Variants in KCNQ4 observed in about 807,000 individuals in gnomAD.
The protein encoded by KCNQ4 is potassium voltage-gated channel subfamily Q member 4, also known as potassium voltage-gated channel subfamily KQT member 4.
Under a neutral mutation model 72.6 loss-of-function variants are expected in KCNQ4, and 31 were observed. The observed-to-expected ratio is 0.43, with a 90% CI of 0.32 to 0.58. The LOEUF is 0.58. KCNQ4 is among the 20% of genes least tolerant of loss of function. The pLI is 0.08. For synonymous variants in KCNQ4, 405 were observed against 403.7 expected, an observed-to-expected ratio of 1.00 and a Z score of -0.04; for missense variants, 869 against 962.6, an observed-to-expected ratio of 0.90 and a Z score of 1.29.
In KCNQ4 at chr1:40,840,064, A is replaced by G. The variant is rs1648931426; in HGVS notation, c.*1541A>G. The G allele has an allele frequency of 6.6e-6, 1 of 152,300 alleles. No homozygotes were observed. The highest frequency in any genetic ancestry group is 2.1e-4 in the South Asian group (1 of 4,830). 9.4% of individuals were successfully genotyped at this position (152,300 alleles called of 1,614,324 possible). The stretch of plus-strand genomic sequence containing the variant: ...GGACCAATGGCAACCCTCTGTGGGA[A>G]CAAGGGGCCGAGGCCACGCTGCCTG... On this transcript the variant is annotated 3_prime_UTR_variant, in exon 14 of 14. Transcript: ENST00000347132.
Position 40,788,849 on chromosome 1 carries a change from G to A in KCNQ4, c.314+4442G>A, listed in dbSNP as rs752269165. On this transcript the variant is annotated intron_variant, in intron 1 of 13. Transcript: ENST00000347132. This position sits in a 1 kb window ranked among gnomAD's most constrained non-coding sequence, Gnocchi z 4.5. ...TAGACCACGTCACTGCTGCGTACCT[G>A]TCTGAATGTCTCACACATGCACTCA... Among the ~76,000 whole-genome samples the A allele has an allele frequency of 6.6e-6, 1 of 152,226 alleles. No individual in the cohort carries two copies. Among genetic ancestry groups the A allele is most frequent in the Non-Finnish European group, 1.5e-5 (1 of 68,040 alleles).
chr1:40,793,891 C>T (rs1647338398), intron 1 of KCNQ4, among the ~76,000 whole-genome samples: 4 of 152,250 alleles, frequency 2.6e-5, no homozygotes, highest in Admixed American at 1.3e-4. Context: ...CCTTCAGTGC[C>T]CCCAGAGTTC....
chr1:40,814,885 C>T (rs1570823929), intron 1 of KCNQ4, among the ~76,000 whole-genome samples: 2 of 87,628 alleles, frequency 2.3e-5, no homozygotes, highest in Middle Eastern at 6.8e-3. Flanking sequence ...AATCTGCTTT[C>T]CTTTTTTTTT....
chr1:40,828,215 C>T lies in KCNQ4; in HGVS notation c.1293-2869C>T, dbSNP rs544449756. Among the ~76,000 whole-genome samples, 3 of 152,324 alleles carry T rather than the reference C, an allele frequency of 2.0e-5. No individual in the cohort carries two copies. The East Asian group carries it at 5.8e-4, about 29-fold the overall frequency. ...GGAAGTGAGTTCAAGGGGTTGGGACCAGCAGGGCAGCCTGGGCAGAGCTCG... is the reference window on the plus strand; with the variant it reads ...GGAAGTGAGTTCAAGGGGTTGGGACTAGCAGGGCAGCCTGGGCAGAGCTCG... On this transcript the variant is annotated intron_variant, in intron 9 of 13. Transcript: ENST00000347132.
At chr1:40,821,329 G>A (rs1044517415) in intron 7 of KCNQ4, among the ~76,000 whole-genome samples, 2 of 152,226 alleles carry the variant, frequency 1.3e-5, no homozygotes, top group Non-Finnish European at 2.9e-5. Context: ...CCTGGCTGGT[G>A]AGGTCAGCAG....
intron 1 of KCNQ4, among the ~76,000 whole-genome samples, chr1:40,787,955 C>T (rs943482570): frequency 2.6e-5 from 4 of 152,156 alleles, no homozygotes; most frequent in Non-Finnish European, 5.9e-5. Context: ...GCTCCCAGCC[C>T]CCAGGGCCCA....
chr1:40,826,709 GCTC>G (rs1648488885), intron 9 of KCNQ4: 1 of 453,940 alleles, frequency 2.2e-6, no homozygotes, highest in Non-Finnish European at 4.4e-6. Context: ...CCCCTCGCCT[GCTC>G]CTCCTGTCCC....
At chr1:40,819,602 A>C (rs548384309) in intron 5 of KCNQ4, 130 bp downstream of exon 5, 148 of 1,289,960 alleles carry the variant, frequency 1.1e-4, no homozygotes, top group South Asian at 6.3e-4. Flanking sequence ...TAGAGCTGGG[A>C]CCCCCCTGAG....
intron 7 of KCNQ4, among the ~76,000 whole-genome samples, chr1:40,821,869 A>G (rs1365780820): frequency 2.6e-5 from 4 of 152,200 alleles, no homozygotes; most frequent in Non-Finnish European, 1.5e-5. Flanking sequence ...TGAAGTGCCT[A>G]CTATATACCA....
Position 40,784,714 on chromosome 1 carries a change from C to A in KCNQ4, c.314+307C>A, listed in dbSNP as rs921378233. 6.6e-6 allele frequency among the ~76,000 whole-genome samples: 1 copy of A among 152,230 alleles called. No homozygotes were observed. Among genetic ancestry groups the A allele is most frequent in the South Asian group, 2.1e-4 (1 of 4,834 alleles). On this transcript the variant is annotated intron_variant, in intron 1 of 13. Transcript: ENST00000347132. The surrounding 1 kb of genome is among the most constrained non-coding windows in gnomAD (Gnocchi z 4.1). Reference sequence around the variant, plus strand: ...ACTCCCGACCGCCAGCTGCCTCCCCCAAGTCCGCTTGGCGAAGTCTGGGGC... The same window carrying A: ...ACTCCCGACCGCCAGCTGCCTCCCCAAAGTCCGCTTGGCGAAGTCTGGGGC...
intron 5 of KCNQ4, 131 bp downstream of exon 5, chr1:40,819,603 C>T: frequency 7.9e-7 from 1 of 1,266,638 alleles, no homozygotes; most frequent in Non-Finnish European, 1.1e-6. Context: ...AGAGCTGGGA[C>T]CCCCCTGAGA....
chr1:40,837,554 C>G (rs1430736809), intron 12 of KCNQ4, 111 bp from the exon 13 acceptor site: 1 of 1,377,964 alleles, frequency 7.3e-7, no homozygotes. Flanking sequence ...CCCCTTCCCT[C>G]AGATTGCCTG....
At chr1:40,821,139 C>A (rs1315897130) in intron 7 of KCNQ4, among the ~76,000 whole-genome samples, 1 of 152,330 alleles carries the variant, frequency 6.6e-6, no homozygotes, top group African/African-American at 2.4e-5. Context: ...TGGCCACTGT[C>A]CCCTGGGAGC....
rs1203483341 is a variant in KCNQ4, at chr1:40,813,754, GT to G, written c.315-3506del. Among the ~76,000 whole-genome samples, 20 of 150,814 alleles carry G rather than the reference GT, an allele frequency of 1.3e-4. No individual in the cohort carries two copies. In the South Asian group the frequency reaches 1.9e-3, roughly 14 times the overall value. On this transcript the variant is annotated intron_variant, in intron 1 of 13. Coordinates refer to ENST00000347132, the MANE Select transcript of KCNQ4 (RefSeq NM_004700.4). ...TTTTCTTGTTTTTGTTTTTGTTTTTGTTTTTGTTTTTGAGACGGAGTCTCAC... is the reference window on the plus strand; with the variant it reads ...TTTTCTTGTTTTTGTTTTTGTTTTTGTTTTGTTTTTGAGACGGAGTCTCAC...
chr1:40,826,059 C>T (rs1230379854), intron 9 of KCNQ4, among the ~76,000 whole-genome samples: 1 of 151,964 alleles, frequency 6.6e-6, no homozygotes, highest in Non-Finnish European at 1.5e-5. Flanking sequence ...GTTTGTAGAT[C>T]AGTCACCAGG....
At chr1:40,833,840 A>AC (rs1250347381) in intron 11 of KCNQ4, among the ~76,000 whole-genome samples, 2 of 151,596 alleles carry the variant, frequency 1.3e-5, no homozygotes, top group Admixed American at 1.3e-4. Context: ...TTGCAAAAAA[A>AC]AAAAAAAAAA....
chr1:40,837,775 T>A lies in KCNQ4; in HGVS notation c.1856T>A (p.Val619Glu). The A allele has an allele frequency of 6.2e-7, 1 of 1,609,602 alleles. No individual in the cohort carries two copies. The highest frequency in any genetic ancestry group is 8.5e-7 in the Non-Finnish European group (1 of 1,178,330). Residue 619 changes from valine to glutamate, a missense_variant, in exon 13 of 14, where the codon GTG becomes GAG. This residue lies in a region of KCNQ4 where 480 missense variants were observed against 501.9 expected (regional missense o/e 0.96). Coordinates refer to ENST00000347132, the MANE Select transcript of KCNQ4 (RefSeq NM_004700.4). Reference protein sequence around the residue: ...VVDEISMMGRVVKVEKQVQSI... With the variant: ...VVDEISMMGREVKVEKQVQSI... ...GATGAAATCAGCATGATGGGACGCG[T>A]GGTCAAGGTGGAGAAGCAGGTGAGT...
chr1:40,795,865 G>C (rs1446879855), intron 1 of KCNQ4, among the ~76,000 whole-genome samples: 1 of 152,178 alleles, frequency 6.6e-6, no homozygotes, highest in African/African-American at 2.4e-5. Flanking sequence ...CTTTGTCACT[G>C]AGTAATAAGA....
chr1:40,807,761 C>G lies in KCNQ4; in HGVS notation c.315-9504C>G, dbSNP rs1343903112. Among the ~76,000 whole-genome samples, 4 of 152,106 alleles carry G rather than the reference C, an allele frequency of 2.6e-5. No individual in the cohort carries two copies. In the East Asian group the frequency reaches 7.7e-4, roughly 29 times the overall value. On this transcript the variant is annotated intron_variant, in intron 1 of 13. Transcript: ENST00000347132. Reference sequence around the variant, plus strand: ...AGGTGATGGTGGCCATAGCTTCTGCCCTCTAGGGACCTTGGCTGAATGGAG... The same window carrying G: ...AGGTGATGGTGGCCATAGCTTCTGCGCTCTAGGGACCTTGGCTGAATGGAG...
Sources: allele counts gnomAD v4.1 joint callset (sites outside exome capture counted in the v4.1 genomes callset), GRCh38; gene constraint gnomAD v4.1.1; regional missense constraint gnomAD v4.1.1; non-coding constraint Gnocchi (gnomAD v3.1); transcripts MANE v1.5; gene names NCBI Gene and HGNC (gene_info 2026-07-23, HGNC 2026-07-21).